AK7: variants seen among roughly 807,000 people sequenced by gnomAD.
The protein encoded by AK7 is ATP-AMP transphosphorylase 7.
A neutral mutation model predicts 96.6 loss-of-function variants in AK7; 78 were observed. The observed-to-expected ratio is 0.81, with a 90% CI of 0.67 to 0.97. The LOEUF is 0.97. Ranked by LOEUF, AK7 falls within the 50% of genes least tolerant of loss-of-function variation. AK7 has a pLI of 0.00. For synonymous variants in AK7, 302 were observed against 317.2 expected (o/e 0.95, Z 0.51); for missense variants, 855 against 887.9 (o/e 0.96, Z 0.47).
chr14:96,401,268 G>C (rs969415183), intron 2 of AK7, among the ~76,000 whole-genome samples: 1 of 152,154 alleles, frequency 6.6e-6, no homozygotes, highest in Non-Finnish European at 1.5e-5. Flanking sequence ...TCTCTGAAAG[G>C]GGCACCTAAG....
At chr14:96,488,159 C>T (rs967509670) in intron 17 of AK7, 146 bp from the exon 18 acceptor site, 31 of 604,782 alleles carry the variant, frequency 5.1e-5, no homozygotes, top group African/African-American at 3.0e-4. Context: ...GTGATCCACC[C>T]GCCTCAGCCT....
At chr14:96,486,206 A>G (rs1362953624) in intron 16 of AK7, among the ~76,000 whole-genome samples, 1 of 152,170 alleles carries the variant, frequency 6.6e-6, no homozygotes, top group African/African-American at 2.4e-5. Context: ...TAGTGGCTCA[A>G]ATGATGTCAC....
intron 2 of AK7, among the ~76,000 whole-genome samples, chr14:96,400,576 T>C (rs750604410): frequency 1.6e-4 from 24 of 152,200 alleles, no homozygotes; most frequent in Non-Finnish European, 3.1e-4. Context: ...TCTGCCCTCC[T>C]TGAGGGATGA....
intron 5 of AK7, among the ~76,000 whole-genome samples, chr14:96,423,070 G>GAT (rs1891804799): frequency 6.6e-6 from 1 of 152,162 alleles, no homozygotes; most frequent in Non-Finnish European, 1.5e-5. Context: ...CTGATAAGCG[G>GAT]TCAGCTAGTA....
At chr14:96,437,317 C>A (rs1892693947) in intron 5 of AK7, among the ~76,000 whole-genome samples, 1 of 152,118 alleles carries the variant, frequency 6.6e-6, no homozygotes, top group African/African-American at 2.4e-5. Context: ...ACATCTCATG[C>A]ACCCCCATAA....
chr14:96,424,943 T>A (rs1279762494), intron 5 of AK7, among the ~76,000 whole-genome samples: 1 of 152,248 alleles, frequency 6.6e-6, no homozygotes, highest in Non-Finnish European at 1.5e-5. Context: ...ATGAGAAATA[T>A]GATCATATTA....
At chr14:96,472,446 T>C (rs1014736261) in intron 13 of AK7, among the ~76,000 whole-genome samples, 1 of 152,248 alleles carries the variant, frequency 6.6e-6, no homozygotes, top group African/African-American at 2.4e-5. Flanking sequence ...TGAGCCATGA[T>C]GCCCAGCCAT....
chr14:96,441,664 A>T (rs12437033), intron 6 of AK7, among the ~76,000 whole-genome samples: 21,139 of 142,096 alleles, frequency 0.15, 2,274 homozygotes, highest in East Asian at 0.49. Flanking sequence ...AAAAAAAAAG[A>T]AAACAAAATA....
At position 96,399,562 on chromosome 14, in the gene AK7, C is replaced by T. The variant is rs547983545; in HGVS notation, c.294+1299C>T. On this transcript the variant is annotated intron_variant, in intron 2 of 17. Transcript: ENST00000267584. The surrounding 1 kb of genome is among the most constrained non-coding windows in gnomAD (Gnocchi z 4.1). ...TTTGCAGGTCTCACCCCTTCACCCC[C>T]GCCATTCACTGGTCTATCCAATGCT... Among the ~76,000 whole-genome samples the T allele has an allele frequency of 3.7e-4, 57 of 152,348 alleles. No individual in the cohort carries two copies. Among genetic ancestry groups the T allele is most frequent in the African/African-American group, 1.3e-3 (52 of 41,584 alleles).
At chr14:96,462,928 A>G (rs10138775) in intron 12 of AK7, among the ~76,000 whole-genome samples, 131,755 of 152,074 alleles carry the variant, frequency 0.87, 57,420 homozygotes, top group African/African-American at 0.96. Context: ...ACGAGGTCAG[A>G]AGTTCAAGAC....
chr14:96,448,723 AGGCAG>A (rs1893394754), intron 8 of AK7, among the ~76,000 whole-genome samples: 1 of 149,666 alleles, frequency 6.7e-6, no homozygotes, highest in South Asian at 2.1e-4. Flanking sequence ...TGGGAGGCCC[AGGCAG>A]GCAGATCCCT....
chr14:96,431,856 G>T (rs1892372119), intron 5 of AK7, among the ~76,000 whole-genome samples: 1 of 151,976 alleles, frequency 6.6e-6, no homozygotes, highest in African/African-American at 2.4e-5. Flanking sequence ...TTGACAGTGG[G>T]GTGTTAAAGC....
At chr14:96,396,200 C>G (rs1486692894) in intron 1 of AK7, among the ~76,000 whole-genome samples, 1 of 152,216 alleles carries the variant, frequency 6.6e-6, no homozygotes, top group Non-Finnish European at 1.5e-5. Context: ...AGCCACCACG[C>G]TCTGTCCAGA....
chr14:96,435,818 A>G lies in AK7; in HGVS notation c.610-2017A>G, dbSNP rs549344464. Among the ~76,000 whole-genome samples the G allele has an allele frequency of 7.2e-5, 11 of 152,208 alleles. No individual in the cohort carries two copies. In the South Asian group the frequency reaches 2.1e-3, roughly 29 times the overall value. ...TGGTCTGGTTTTTCTTTCTGCTCTAACAGGACAGTGCTGAGTTCAATGCCT... is the reference window on the plus strand; with the variant it reads ...TGGTCTGGTTTTTCTTTCTGCTCTAGCAGGACAGTGCTGAGTTCAATGCCT... On this transcript the variant is annotated intron_variant, in intron 5 of 17. Coordinates refer to ENST00000267584, the MANE Select transcript of AK7 (RefSeq NM_152327.5).
intron 6 of AK7, among the ~76,000 whole-genome samples, chr14:96,440,801 T>C (rs981715677): frequency 6.6e-6 from 1 of 152,176 alleles, no homozygotes; most frequent in Non-Finnish European, 1.5e-5. Flanking sequence ...AAAGATGACT[T>C]TGAGTGCTTC....
chr14:96,474,538 A>G (rs899942072), intron 14 of AK7, among the ~76,000 whole-genome samples: 1 of 151,982 alleles, frequency 6.6e-6, no homozygotes, highest in Admixed American at 6.6e-5. Context: ...AGGTAGGAGA[A>G]TCACTTGAGT....
intron 8 of AK7, among the ~76,000 whole-genome samples, chr14:96,446,822 C>T (rs1481499404): frequency 6.6e-6 from 1 of 152,030 alleles, no homozygotes; most frequent in African/African-American, 2.4e-5. Flanking sequence ...TGCCTGTAAT[C>T]TCAGCTACTC....
intron 5 of AK7, among the ~76,000 whole-genome samples, chr14:96,430,265 A>G (rs2140065165): frequency 6.7e-6 from 1 of 148,816 alleles, no homozygotes; most frequent in South Asian, 2.1e-4. Flanking sequence ...GGCTCACTGC[A>G]AGCTCCGCCT....
At chr14:96,484,203 C>T (rs1895657307) in intron 16 of AK7, among the ~76,000 whole-genome samples, 1 of 152,152 alleles carries the variant, frequency 6.6e-6, no homozygotes, top group African/African-American at 2.4e-5. Context: ...GATGATGCCA[C>T]AGCACTCCAG....
Sources: allele counts gnomAD v4.1 joint callset (sites outside exome capture counted in the v4.1 genomes callset), GRCh38; gene constraint gnomAD v4.1.1; non-coding constraint Gnocchi (gnomAD v3.1); transcripts MANE v1.5; gene names NCBI Gene and HGNC (gene_info 2026-07-23, HGNC 2026-07-21).